The following SPMAP2L variants were observed in gnomAD, a reference collection of about 807,000 sequenced individuals.
SPMAP2L encodes sperm microtubule associated protein 2 like.
chr4:56,609,863 A>G, the SPMAP2L span, among the ~76,000 whole-genome samples: 2 of 152,184 alleles, frequency 1.3e-5, no homozygotes, highest in East Asian at 3.9e-4. Flanking sequence ...CAGGCTGTAG[A>G]ACTGTGAGAA....
chr4:56,584,417 G>A, the SPMAP2L span: 1 of 843,858 alleles, frequency 1.2e-6, no homozygotes, highest in Non-Finnish European at 1.9e-6. Context: ...TCGATTAGAA[G>A]TTGATTGTAG....
At chr4:56,577,566 A>T in the SPMAP2L span, among the ~76,000 whole-genome samples, 58 of 152,230 alleles carry the variant, frequency 3.8e-4, 1 homozygote, top group African/African-American at 1.4e-3. Flanking sequence ...AGCCTGAGCC[A>T]CAGAGTGAGA....
chr4:56,603,903 T>C, the SPMAP2L span, among the ~76,000 whole-genome samples: 2 of 152,244 alleles, frequency 1.3e-5, no homozygotes, highest in African/African-American at 2.4e-5. Context: ...CCAATCTCTG[T>C]TCCTTTACTC....
the SPMAP2L span, among the ~76,000 whole-genome samples, chr4:56,544,276 A>G: frequency 6.6e-6 from 1 of 152,178 alleles, no homozygotes. Flanking sequence ...GGTGTGAACC[A>G]CCGTGCCCGG....
chr4:56,538,534 C>T, the SPMAP2L span, among the ~76,000 whole-genome samples: 2 of 152,170 alleles, frequency 1.3e-5, no homozygotes, highest in African/African-American at 4.8e-5. Flanking sequence ...TTAGGCCGGG[C>T]ATGGTGGCTC....
chr4:56,531,072 G>T, the SPMAP2L span: 1 of 1,535,552 alleles, frequency 6.5e-7, no homozygotes, highest in Middle Eastern at 1.7e-4. Flanking sequence ...AGTCCCGCGA[G>T]GCCAAGGAAA....
the SPMAP2L span, among the ~76,000 whole-genome samples, chr4:56,531,706 C>T: frequency 2.6e-5 from 4 of 152,192 alleles, no homozygotes; most frequent in Non-Finnish European, 5.9e-5. Flanking sequence ...GCTCAGTCCT[C>T]ACCACCTTCA....
At chr4:56,535,198 T>C in the SPMAP2L span, among the ~76,000 whole-genome samples, 6 of 152,222 alleles carry the variant, frequency 3.9e-5, no homozygotes, top group Non-Finnish European at 8.8e-5. Flanking sequence ...TGTCATCATC[T>C]TTGTAAGCCA....
At chr4:56,546,349 G>A in the SPMAP2L span, among the ~76,000 whole-genome samples, 1 of 152,172 alleles carries the variant, frequency 6.6e-6, no homozygotes, top group Non-Finnish European at 1.5e-5. Flanking sequence ...TGATTCCAGA[G>A]CCAGTGGTCT....
the SPMAP2L span, among the ~76,000 whole-genome samples, chr4:56,538,211 T>TCATTAAAAAA: frequency 8.7e-5 from 13 of 149,064 alleles, no homozygotes; most frequent in East Asian, 6.0e-4. Context: ...ACATCCCCTA[T>TCATTAAAAAA]CACTCGCCCT....
the SPMAP2L span, among the ~76,000 whole-genome samples, chr4:56,560,342 C>G: frequency 0.93 from 141,860 of 152,230 alleles, 66,201 homozygotes; most frequent in Admixed American, 0.95. Context: ...TCTTCTTCAC[C>G]TTGCCCTCTC....
the SPMAP2L span, among the ~76,000 whole-genome samples, chr4:56,606,459 A>C: frequency 6.6e-6 from 1 of 152,106 alleles, no homozygotes; most frequent in East Asian, 1.9e-4. Context: ...TAGTGAAGCA[A>C]GGGTGATGGA....
the SPMAP2L span, among the ~76,000 whole-genome samples, chr4:56,541,363 C>A: frequency 1.3e-5 from 2 of 151,904 alleles, no homozygotes; most frequent in African/African-American, 2.4e-5. Flanking sequence ...AATATTTATT[C>A]CTAATGTCAG....
chr4:56,568,280 A>G, the SPMAP2L span, among the ~76,000 whole-genome samples: 2 of 152,076 alleles, frequency 1.3e-5, no homozygotes, highest in Non-Finnish European at 2.9e-5. Flanking sequence ...GTCTGTTTCT[A>G]ATGATTGATT....
the SPMAP2L span, among the ~76,000 whole-genome samples, chr4:56,570,952 T>C: frequency 2.0e-5 from 3 of 151,914 alleles, no homozygotes; most frequent in Admixed American, 6.6e-5. Context: ...TATAGGCATG[T>C]GCTACCACAC....
chr4:56,611,251 A>C, the SPMAP2L span, among the ~76,000 whole-genome samples: 6 of 152,230 alleles, frequency 3.9e-5, no homozygotes, highest in East Asian at 1.2e-3. Context: ...TGATGGATTA[A>C]TACTCAGCCA....
At chr4:56,532,218 C>A in the SPMAP2L span, among the ~76,000 whole-genome samples, 1 of 152,070 alleles carries the variant, frequency 6.6e-6, no homozygotes, top group Non-Finnish European at 1.5e-5. Flanking sequence ...TTTGACCCCC[C>A]CACCCAGCTG....
At chr4:56,566,115 C>G in the SPMAP2L span, among the ~76,000 whole-genome samples, 2 of 152,164 alleles carry the variant, frequency 1.3e-5, no homozygotes, top group African/African-American at 4.8e-5. Flanking sequence ...AGGTTTAAAG[C>G]TACCAACTTG....
At chr4:56,577,017 T>C in the SPMAP2L span, among the ~76,000 whole-genome samples, 17 of 151,588 alleles carry the variant, frequency 1.1e-4, no homozygotes, top group Middle Eastern at 3.4e-3. Flanking sequence ...TACCTTAATA[T>C]AGAAAACCTC....
Sources: allele counts gnomAD v4.1 joint callset (sites outside exome capture counted in the v4.1 genomes callset), GRCh38; gene constraint gnomAD v4.1.1; transcripts MANE v1.5; gene names NCBI Gene and HGNC (gene_info 2026-07-23, HGNC 2026-07-21).